Variants in UTRN observed in about 807,000 individuals in gnomAD.
UTRN encodes the protein utrophin.
Under a neutral mutation model 463.9 loss-of-function variants are expected in UTRN, and 283 were observed. That is an observed-to-expected ratio of 0.61 (90% CI 0.55 to 0.67). The LOEUF (loss-of-function observed/expected upper bound fraction) is 0.67. Among genes scored for constraint, UTRN ranks in the 30% least tolerant of loss-of-function variants. UTRN has a pLI of 0.00. For missense variants in UTRN, 3,922 were observed against 4,084.3 expected (o/e 0.96, Z 1.08); for synonymous variants, 1,442 against 1,431.5 (o/e 1.01, Z -0.17).
chr6:144,601,677 C>T (rs1247667113), intron 51 of UTRN, among the ~76,000 whole-genome samples: 1 of 152,126 alleles, frequency 6.6e-6, no homozygotes, highest in Admixed American at 6.5e-5. Flanking sequence ...GAATACTACA[C>T]AAACTTAGTA....
chr6:144,299,396 T>C (rs141898135), intron 2 of UTRN, among the ~76,000 whole-genome samples: 1 of 152,332 alleles, frequency 6.6e-6, no homozygotes, highest in East Asian at 1.9e-4. Flanking sequence ...ACACTTCCCT[T>C]TAAATAATTT....
At chr6:144,570,384 C>T (rs563876387) in intron 50 of UTRN, among the ~76,000 whole-genome samples, 66 of 152,090 alleles carry the variant, frequency 4.3e-4, no homozygotes, top group South Asian at 2.7e-3. Flanking sequence ...GGAGATGCCT[C>T]CTGGGGAGGT....
At chr6:144,474,581 A>G in intron 24 of UTRN, 23 bp from the exon 25 acceptor site, 1 of 1,602,130 alleles carries the variant, frequency 6.2e-7, no homozygotes, top group Non-Finnish European at 8.5e-7. Flanking sequence ...AATGAACTCA[A>G]CATGCATCTT....
intron 2 of UTRN, among the ~76,000 whole-genome samples, chr6:144,383,996 AT>A (rs1781175125): frequency 1.3e-5 from 2 of 152,252 alleles, no homozygotes; most frequent in African/African-American, 4.8e-5. Context: ...CTTCAAAAAA[AT>A]AACACTGTGA....
rs112979533 is a variant in UTRN at position 144,333,906 on chromosome 6, G to A, written c.79+41999G>A. ...AGTAAATATCTCATTTTATTCATTC[G>A]TTCAGTAAATATTTATCCACCCACC... On this transcript the variant is annotated intron_variant, in intron 2 of 74. Coordinates refer to ENST00000367545, the MANE Select transcript of UTRN (RefSeq NM_007124.3). Among the ~76,000 whole-genome samples the A allele has an allele frequency of 4.6e-3, 695 of 152,014 alleles. 5 individuals are homozygous for A. The highest frequency in any genetic ancestry group is 0.015 in the African/African-American group (634 of 41,458).
intron 51 of UTRN, among the ~76,000 whole-genome samples, chr6:144,643,059 A>G (rs1354528414): frequency 1.3e-5 from 2 of 152,166 alleles, no homozygotes; most frequent in African/African-American, 4.8e-5. Context: ...TAGTATCTAT[A>G]TAGCTACTAT....
At chr6:144,701,457 TTTACTC>T (rs1275430832) in intron 53 of UTRN, among the ~76,000 whole-genome samples, 4 of 152,336 alleles carry the variant, frequency 2.6e-5, no homozygotes, top group African/African-American at 4.8e-5. Context: ...AATGTATACT[TTTACTC>T]TGATCAGCCA....
chr6:144,671,906 T>C, intron 51 of UTRN, among the ~76,000 whole-genome samples: 1 of 151,162 alleles, frequency 6.6e-6, no homozygotes, highest in South Asian at 2.1e-4. Flanking sequence ...TCTGTGGCTA[T>C]TGAGATGACC....
chr6:144,524,776 G>A (rs1405970468), intron 41 of UTRN, among the ~76,000 whole-genome samples: 1 of 152,114 alleles, frequency 6.6e-6, no homozygotes, highest in Non-Finnish European at 1.5e-5. Context: ...CCAGTTCTCA[G>A]GGGGAATGCT....
At chr6:144,655,116 C>T (rs1385596362) in intron 51 of UTRN, among the ~76,000 whole-genome samples, 1 of 152,206 alleles carries the variant, frequency 6.6e-6, no homozygotes, top group African/African-American at 2.4e-5. Flanking sequence ...AAAAATAATT[C>T]TTTGCGTACA....
chr6:144,339,982 A>G (rs1222589544), intron 2 of UTRN, among the ~76,000 whole-genome samples: 3 of 152,208 alleles, frequency 2.0e-5, no homozygotes, highest in African/African-American at 7.2e-5. Context: ...AGCCTGACCA[A>G]CAAGGTGAAA....
chr6:144,310,284 C>A (rs771714713), intron 2 of UTRN, among the ~76,000 whole-genome samples: 1 of 151,678 alleles, frequency 6.6e-6, no homozygotes, highest in Non-Finnish European at 1.5e-5. Context: ...TGCCTGTAAT[C>A]CCAGCACTTT....
At chr6:144,741,174 A>G (rs1790029194) in intron 54 of UTRN, among the ~76,000 whole-genome samples, 1 of 152,316 alleles carries the variant, frequency 6.6e-6, no homozygotes, top group South Asian at 2.1e-4. Flanking sequence ...AATTAAACTC[A>G]TCACTTATTT....
In UTRN at chr6:144,730,403, CT is replaced by C. The variant is rs773132746; in HGVS notation, c.7857del (p.Val2620SerfsTer29). 6.2e-7 allele frequency: 1 copy of C among 1,612,314 alleles called. No homozygotes were observed. ...GAGAAAGAATATTCTGTCCTGAATG[CT>C]GTCGACCAGGCCCGAGTTTTCTTGG... The part of the protein sequence containing the change: ...LKEKEYSVLN[A>X]VDQARVFLAD... On this transcript the variant is annotated frameshift_variant, in exon 54 of 75. Coordinates refer to ENST00000367545, the MANE Select transcript of UTRN (RefSeq NM_007124.3). LOFTEE classifies it high-confidence loss of function.
Position 144,819,911 on chromosome 6 carries a change from C to CCTCCTCCT in UTRN, c.9358-968_9358-967insCTCCTCTC, listed in dbSNP as rs11397588. On this transcript the variant is annotated intron_variant, in intron 65 of 74. Coordinates refer to ENST00000367545, the MANE Select transcript of UTRN (RefSeq NM_007124.3). ...TCCTCCTCCTCCTCCTCCTCCTCCT[C>CCTCCTCCT]CTCTCTCTCTCTCTCTCTCTCTTTC... 1.5e-3 allele frequency among the ~76,000 whole-genome samples: 182 copies of CCTCCTCCT among 118,576 alleles called. 1 individual carries two copies. Among genetic ancestry groups the CCTCCTCCT allele is most frequent in the African/African-American group, 6.4e-3 (168 of 26,098 alleles). The allele number at this position is 118,576 out of a possible 152,430, so 77.8% of individuals were successfully genotyped here.
At chr6:144,813,195 A>G (rs899393300) in intron 65 of UTRN, among the ~76,000 whole-genome samples, 4 of 150,536 alleles carry the variant, frequency 2.7e-5, no homozygotes, top group African/African-American at 7.3e-5. Context: ...TTATTTATTT[A>G]TTTATTTTTT....
At chr6:144,334,496 C>T (rs374190352) in intron 2 of UTRN, among the ~76,000 whole-genome samples, 66 of 152,046 alleles carry the variant, frequency 4.3e-4, no homozygotes, top group Middle Eastern at 3.4e-3. Flanking sequence ...GAGTTTGAGG[C>T]GTGGGTTTGT....
intron 51 of UTRN, among the ~76,000 whole-genome samples, chr6:144,591,751 C>T (rs1803094907): frequency 6.6e-6 from 1 of 151,074 alleles, no homozygotes; most frequent in African/African-American, 2.4e-5. Flanking sequence ...CCCCAAAATC[C>T]GAATTTAGTA....
chr6:144,732,736 AG>A (rs1286971177), intron 54 of UTRN, among the ~76,000 whole-genome samples: 4 of 150,898 alleles, frequency 2.7e-5, no homozygotes, highest in African/African-American at 9.8e-5. Flanking sequence ...ATTTTGAGAC[AG>A]GGTTTTGCTC....
Sources: gnomAD v4.1 joint callset for allele counts (sites outside exome capture counted in the v4.1 genomes callset) on GRCh38, gnomAD v4.1.1 for gene constraint, MANE v1.5 for transcripts, NCBI Gene and HGNC (gene_info 2026-07-23, HGNC 2026-07-21) for gene names.